Variants in ADAM10 observed in about 807,000 individuals in gnomAD.
ADAM10 encodes the protein ADAM metallopeptidase domain 10.
Under a neutral mutation model 90.1 loss-of-function variants are expected in ADAM10, and 17 were observed. The ratio of observed to expected loss-of-function variants is 0.19; its 90% CI spans 0.13 to 0.28. ADAM10 has a LOEUF of 0.28. Ranked by LOEUF, ADAM10 falls within the 10% of genes least tolerant of loss-of-function variation. The probability of loss-of-function intolerance (pLI) is 1.00; values close to 1 mark genes in which losing one functional copy is unlikely to be tolerated. For missense variants in ADAM10, 610 were observed against 914.3 expected, an observed-to-expected ratio of 0.67 and a Z score of 4.29; for synonymous variants, 310 against 298.6, an observed-to-expected ratio of 1.04 and a Z score of -0.40.
At chr15:58,599,089 TA>T (rs1227445415) in intron 15 of ADAM10, among the ~76,000 whole-genome samples, 1 of 137,846 alleles carries the variant, frequency 7.3e-6, no homozygotes, top group Non-Finnish European at 1.5e-5. Flanking sequence ...CTTAGGAGGC[TA>T]AAGTGGGGAG....
intron 1 of ADAM10, among the ~76,000 whole-genome samples, chr15:58,729,081 T>A (rs1162078680): frequency 6.6e-6 from 1 of 152,140 alleles, no homozygotes; most frequent in Non-Finnish European, 1.5e-5. Flanking sequence ...ATATGAGCCA[T>A]GTGCAGTGGC....
At chr15:58,714,773 T>G (rs1179273495) in intron 2 of ADAM10, among the ~76,000 whole-genome samples, 5 of 151,942 alleles carry the variant, frequency 3.3e-5, no homozygotes. Context: ...TAACAAATAA[T>G]AAATAATTTA....
At chr15:58,649,679 G>C (rs1896637596) in intron 5 of ADAM10, among the ~76,000 whole-genome samples, 1 of 152,196 alleles carries the variant, frequency 6.6e-6, no homozygotes, top group South Asian at 2.1e-4. Context: ...TGTTGCTTAA[G>C]AGTGATTAAA....
chr15:58,645,470 A>G (rs1446934660), intron 6 of ADAM10, among the ~76,000 whole-genome samples: 1 of 152,158 alleles, frequency 6.6e-6, no homozygotes, highest in African/African-American at 2.4e-5. Context: ...AGAACTACCT[A>G]GCTTTTATAC....
intron 2 of ADAM10, among the ~76,000 whole-genome samples, chr15:58,685,580 A>ATATATATATG: frequency 7.4e-6 from 1 of 134,492 alleles, no homozygotes; most frequent in Admixed American, 7.3e-5. Context: ...ATATATATAT[A>ATATATATATG]TATGTATATA....
At chr15:58,674,989 A>G (rs1897279342) in intron 4 of ADAM10, among the ~76,000 whole-genome samples, 1 of 152,238 alleles carries the variant, frequency 6.6e-6, no homozygotes, top group South Asian at 2.1e-4. Flanking sequence ...AGAGATCAAG[A>G]GATCGAGACC....
At chr15:58,674,449 A>G (rs1299068450) in intron 4 of ADAM10, among the ~76,000 whole-genome samples, 1 of 152,210 alleles carries the variant, frequency 6.6e-6, no homozygotes, top group East Asian at 1.9e-4. Context: ...ACAACTCAAT[A>G]TGCTTATGCA....
intron 4 of ADAM10, among the ~76,000 whole-genome samples, chr15:58,668,652 T>C (rs1369415225): frequency 6.6e-6 from 1 of 152,170 alleles, no homozygotes; most frequent in Admixed American, 6.5e-5. Context: ...TAGTATGCAC[T>C]ACCCCAGGGC....
chr15:58,670,018 T>G (rs1340347605), intron 4 of ADAM10, among the ~76,000 whole-genome samples: 1 of 152,098 alleles, frequency 6.6e-6, no homozygotes, highest in Non-Finnish European at 1.5e-5. Flanking sequence ...TTTATTATCT[T>G]AAATGCTATG....
intron 2 of ADAM10, among the ~76,000 whole-genome samples, chr15:58,715,871 CA>C (rs1196543159): frequency 6.6e-6 from 1 of 152,080 alleles, no homozygotes; most frequent in African/African-American, 2.4e-5. Context: ...AAGCCAAAAG[CA>C]GCTAAAATCT....
Position 58,593,850 on chromosome 15 carries a change from C to T in ADAM10, c.*3697G>A, listed in dbSNP as rs1894884317. ...AGTACATACATGTATATATCTAAGA[C>T]ACACAAACAATATAGTAATATAAAA... On this transcript the variant is annotated 3_prime_UTR_variant, in exon 16 of 16. Transcript: ENST00000260408. 1 of 152,114 alleles carries T rather than the reference C, an allele frequency of 6.6e-6. No individual in the cohort carries two copies. Among genetic ancestry groups the T allele is most frequent in the Non-Finnish European group, 1.5e-5 (1 of 68,030 alleles). The allele number at this position is 152,114 out of a possible 1,614,324, so 9.4% of individuals were successfully genotyped here.
chr15:58,590,440 G>A lies in ADAM10; in HGVS notation c.*7107C>T, dbSNP rs1044316949. On this transcript the variant is annotated 3_prime_UTR_variant, in exon 16 of 16. Transcript: ENST00000260408. ...CCTGGCACAATCAAGTGCCTAAGAA[G>A]TATCTGTGAGTAAGGTAACTGGTCA... The A allele has an allele frequency of 6.6e-6, 1 of 152,208 alleles. No individual in the cohort carries two copies. Among genetic ancestry groups the A allele is most frequent in the Non-Finnish European group, 1.5e-5 (1 of 68,044 alleles). 9.4% of individuals were successfully genotyped at this position (152,208 alleles called of 1,614,324 possible).
chr15:58,623,998 G>A (rs12906532), intron 10 of ADAM10, among the ~76,000 whole-genome samples: 36 of 88,462 alleles, frequency 4.1e-4, no homozygotes, highest in Middle Eastern at 6.0e-3. Flanking sequence ...AAAAAAAAAA[G>A]GGGGGGCCAG....
chr15:58,705,594 G>C (rs1326370069), intron 2 of ADAM10, among the ~76,000 whole-genome samples: 2 of 152,110 alleles, frequency 1.3e-5, no homozygotes, highest in Non-Finnish European at 2.9e-5. Flanking sequence ...ATCCAAACCA[G>C]ACAAATAATA....
chr15:58,740,208 G>A (rs931564332), intron 1 of ADAM10, among the ~76,000 whole-genome samples: 15 of 152,022 alleles, frequency 9.9e-5, no homozygotes, highest in Admixed American at 3.3e-4. Flanking sequence ...TCTAGAGTTC[G>A]AGGCCAGCCT....
chr15:58,711,927 GAA>G lies in ADAM10; in HGVS notation c.206+5648_206+5649del, dbSNP rs528897370. 5.7e-3 allele frequency among the ~76,000 whole-genome samples: 866 copies of G among 152,180 alleles called. 11 individuals carry two copies. The highest frequency in any genetic ancestry group is 0.02 in the African/African-American group (825 of 41,524). On this transcript the variant is annotated intron_variant, in intron 2 of 15. Coordinates refer to ENST00000260408, the MANE Select transcript of ADAM10 (RefSeq NM_001110.4). ...TTCCTACAAGCTCTATTAGGAAGAAGAAAGAGTGGAGTGATCCCTTATGCTTC... is the reference window on the plus strand; with the variant it reads ...TTCCTACAAGCTCTATTAGGAAGAAGAGAGTGGAGTGATCCCTTATGCTTC...
chr15:58,692,083 G>A (rs1481047504), intron 2 of ADAM10: 1 of 478,688 alleles, frequency 2.1e-6, no homozygotes. Context: ...CCATACCACG[G>A]ACAAAGCCGA....
At chr15:58,718,795 C>G (rs1163246346) in intron 1 of ADAM10, among the ~76,000 whole-genome samples, 4 of 152,188 alleles carry the variant, frequency 2.6e-5, no homozygotes, top group Admixed American at 6.5e-5. Flanking sequence ...CAGGGATCCT[C>G]TGTGCAGCTC....
chr15:58,683,689 G>A (rs529100239), intron 2 of ADAM10, among the ~76,000 whole-genome samples: 29 of 151,674 alleles, frequency 1.9e-4, no homozygotes, highest in Middle Eastern at 6.8e-3. Context: ...CAGCAAAACC[G>A]TCTCTACTAA....
Sources: gnomAD v4.1 joint callset for allele counts (sites outside exome capture counted in the v4.1 genomes callset) on GRCh38, gnomAD v4.1.1 for gene constraint, MANE v1.5 for transcripts, NCBI Gene and HGNC (gene_info 2026-07-23, HGNC 2026-07-21) for gene names.